Variants in PIWIL4 observed in about 807,000 individuals in gnomAD.
The protein encoded by PIWIL4 is piwi-like protein 4.
PIWIL4 carries 50 observed loss-of-function variants against 100.9 expected under a neutral mutation model. The observed-to-expected ratio is 0.50, with a 90% CI of 0.39 to 0.63. The LOEUF (loss-of-function observed/expected upper bound fraction) is 0.63. Among genes scored for constraint, PIWIL4 ranks in the 20% least tolerant of loss-of-function variants. The pLI is 0.00. For synonymous variants in PIWIL4, 342 were observed against 367.5 expected (o/e 0.93, Z 0.79); for missense variants, 887 against 1,043.3 (o/e 0.85, Z 2.06).
chr11:94,587,825 C>G (rs2135260865), intron 7 of PIWIL4, among the ~76,000 whole-genome samples: 1 of 152,280 alleles, frequency 6.6e-6, no homozygotes, highest in Non-Finnish European at 1.5e-5. Context: ...TTCTTTGCAA[C>G]CTCTAGGTTT....
At position 94,593,600 on chromosome 11, in the gene PIWIL4, C is replaced by T. The variant is rs1286375671; in HGVS notation, c.1109C>T (p.Ala370Val). Reference protein sequence around the residue: ...LKKKRNDNSEAQLAHLIPELC... With the variant: ...LKKKRNDNSEVQLAHLIPELC... ...AAGAAGAGAAATGACAACAGTGAGGCTCAGCTCGCCCACCTGATACCTGAG... is the reference window on the plus strand; with the variant it reads ...AAGAAGAGAAATGACAACAGTGAGGTTCAGCTCGCCCACCTGATACCTGAG... The change falls in exon 9 of 20, where the codon GCT becomes GTT. Residue 370 changes from alanine (A) to valine (V), a missense_variant. Ala to Val is a moderately conservative substitution (Grantham distance 64). Around this residue, in one of 2 missense-constraint regions of PIWIL4, gnomAD observed 741 missense variants for 930.0 expected, o/e 0.80. Transcript: ENST00000299001. 2 of 1,613,906 alleles carry T rather than the reference C, an allele frequency of 1.2e-6. No homozygotes were observed. Among genetic ancestry groups the T allele is most frequent in the African/African-American group, 2.7e-5 (2 of 74,914 alleles).
At chr11:94,592,815 G>A (rs11020849) in intron 8 of PIWIL4, among the ~76,000 whole-genome samples, 8,068 of 152,252 alleles carry the variant, frequency 0.053, 253 homozygotes, top group Middle Eastern at 0.099. Flanking sequence ...GGATGGTAAA[G>A]GGAGAGGAAT....
chr11:94,614,190 T>C (rs1006127863), intron 15 of PIWIL4, among the ~76,000 whole-genome samples: 6 of 152,060 alleles, frequency 3.9e-5, no homozygotes, highest in African/African-American at 1.4e-4. Flanking sequence ...CCTTAAACAA[T>C]TATTTTGAAT....
chr11:94,621,298 G>A lies in PIWIL4; in HGVS notation c.*306G>A, dbSNP rs746474485. On this transcript the variant is annotated 3_prime_UTR_variant, in exon 20 of 20. Coordinates refer to ENST00000299001, the MANE Select transcript of PIWIL4 (RefSeq NM_152431.3). ...TTAAACACTTAAAATAAGTGTTTGC[G>A]TGATATTTTGATGACAGATAAACAG... is the stretch of plus-strand genomic sequence containing the variant. The A allele has an allele frequency of 8.5e-5, 22 of 257,874 alleles. No individual in the cohort carries two copies. The highest frequency in any genetic ancestry group is 4.6e-4 in the South Asian group (6 of 13,034). The allele number at this position is 257,874 out of a possible 1,614,324, so 16.0% of individuals were successfully genotyped here.
intron 9 of PIWIL4, 84 bp from the exon 10 acceptor site, chr11:94,595,225 A>G (rs1479019464): frequency 2.0e-5 from 21 of 1,068,646 alleles, no homozygotes; most frequent in Non-Finnish European, 2.5e-5. Context: ...GAATGCATTC[A>G]AGTGGAAAGG....
intron 15 of PIWIL4, among the ~76,000 whole-genome samples, chr11:94,611,996 G>A (rs9666303): frequency 0.054 from 8,286 of 152,226 alleles, 265 homozygotes; most frequent in Middle Eastern, 0.11. Flanking sequence ...CTTGGAGAAT[G>A]TTCCATGTGT....
At chr11:94,614,120 TA>T (rs1393501935) in intron 15 of PIWIL4, among the ~76,000 whole-genome samples, 1 of 151,628 alleles carries the variant, frequency 6.6e-6, no homozygotes, top group East Asian at 1.9e-4. Context: ...TTTGTTTCTG[TA>T]TTTTTTTTTT....
At position 94,593,637 on chromosome 11, in the gene PIWIL4, A is replaced by G. The variant is rs780257909; in HGVS notation, c.1146A>G (p.Leu382=). The part of the protein sequence containing the change: ...LAHLIPELCF[L]TGLTDQATSD... ...ACCTGATACCTGAGCTCTGCTTTCT[A>G]ACAGGTAATGTTTGTGTTTTATACC... The change falls in exon 9 of 20, where the codon CTA becomes CTG. Residue 382 remains leucine (L), a synonymous_variant. Transcript: ENST00000299001. The G allele has an allele frequency of 6.2e-7, 1 of 1,613,804 alleles. No homozygotes were observed. Among genetic ancestry groups the G allele is most frequent in the Non-Finnish European group, 8.5e-7 (1 of 1,179,794 alleles).
chr11:94,568,473 G>A (rs2135228774), intron 1 of PIWIL4, among the ~76,000 whole-genome samples: 1 of 152,218 alleles, frequency 6.6e-6, no homozygotes, highest in South Asian at 2.1e-4. Flanking sequence ...TCTCATCTCT[G>A]CTTCTTTACA....
chr11:94,619,369 A>G (rs1270876176), intron 17 of PIWIL4, among the ~76,000 whole-genome samples: 1 of 152,228 alleles, frequency 6.6e-6, no homozygotes, highest in East Asian at 1.9e-4. Context: ...TTCCTTTGCT[A>G]CTTGGAAATA....
intron 17 of PIWIL4, among the ~76,000 whole-genome samples, chr11:94,619,272 T>C (rs1439599134): frequency 6.6e-6 from 1 of 152,160 alleles, no homozygotes; most frequent in African/African-American, 2.4e-5. Context: ...CCAGAACATA[T>C]ATTTGGTCCA....
chr11:94,615,152 CT>C (rs1948831852), intron 15 of PIWIL4, among the ~76,000 whole-genome samples: 1 of 152,154 alleles, frequency 6.6e-6, no homozygotes, highest in African/African-American at 2.4e-5. Context: ...TGCAGCCACT[CT>C]TTCCTGCCCC....
chr11:94,605,119 C>T (rs1259434836), intron 13 of PIWIL4, among the ~76,000 whole-genome samples: 2 of 152,170 alleles, frequency 1.3e-5, no homozygotes, highest in African/African-American at 4.8e-5. Context: ...TATTTCAGTG[C>T]ATATTTTCTA....
chr11:94,589,258 A>G (rs764650561), intron 8 of PIWIL4, 26 bp downstream of exon 8: 11 of 1,528,314 alleles, frequency 7.2e-6, no homozygotes, highest in South Asian at 2.3e-5. Context: ...ATGCATCTCT[A>G]TCTCCTTTTC....
At chr11:94,569,762 G>T (rs1948123458) in intron 2 of PIWIL4, among the ~76,000 whole-genome samples, 1 of 149,606 alleles carries the variant, frequency 6.7e-6, no homozygotes, top group Non-Finnish European at 1.5e-5. Flanking sequence ...GCTAAATAAT[G>T]TGTACACATG....
intron 15 of PIWIL4, among the ~76,000 whole-genome samples, chr11:94,610,331 C>G (rs1307423863): frequency 6.6e-6 from 1 of 152,090 alleles, no homozygotes; most frequent in Non-Finnish European, 1.5e-5. Context: ...AGATATCTGA[C>G]ATACTGATTT....
At chr11:94,601,552 A>C (rs1948641699) in intron 11 of PIWIL4, among the ~76,000 whole-genome samples, 1 of 152,174 alleles carries the variant, frequency 6.6e-6, no homozygotes. Context: ...GAGAATCATG[A>C]GGTTAAAGGG....
rs1948138986 is a variant in PIWIL4 at position 94,570,620 on chromosome 11, A to G, written c.166+1812A>G. On this transcript the variant is annotated intron_variant, in intron 2 of 19. Coordinates refer to ENST00000299001, the MANE Select transcript of PIWIL4 (RefSeq NM_152431.3). ...AAACCAGTTAGCCAGGCCGGGCGTG[A>G]TGGCTCATGCCTGTAATCCCAGCAC... 2.6e-5 allele frequency among the ~76,000 whole-genome samples: 4 copies of G among 152,152 alleles called. No homozygotes were observed. The South Asian group carries it at 6.2e-4, about 24-fold the overall frequency.
intron 11 of PIWIL4, among the ~76,000 whole-genome samples, chr11:94,598,448 T>C (rs1160320801): frequency 6.6e-6 from 1 of 152,158 alleles, no homozygotes; most frequent in Admixed American, 6.5e-5. Context: ...GAGAGAGGCA[T>C]TCTGAAACCT....
Sources: allele counts gnomAD v4.1 joint callset (sites outside exome capture counted in the v4.1 genomes callset), GRCh38; gene constraint gnomAD v4.1.1; regional missense constraint gnomAD v4.1.1; transcripts MANE v1.5; gene names NCBI Gene and HGNC (gene_info 2026-07-23, HGNC 2026-07-21).